RBM4: variants seen among roughly 807,000 people sequenced by gnomAD.
The protein encoded by RBM4 is RNA binding motif protein 4.
In RBM4, 7 loss-of-function variants were observed where a neutral mutation model predicts 29.5. That is an observed-to-expected ratio of 0.24 (90% CI 0.14 to 0.45). The LOEUF is 0.45. Ranked by LOEUF, RBM4 falls within the 20% of genes least tolerant of loss-of-function variation. RBM4 has a pLI of 1.00. For missense variants in RBM4, 387 were observed against 502.3 expected, an observed-to-expected ratio of 0.77 and a Z score of 2.19; for synonymous variants, 220 against 205.4, an observed-to-expected ratio of 1.07 and a Z score of -0.61.
intron 3 of RBM4, chr11:66,644,428 GTACTA>G (rs911712285): frequency 1.4e-5 from 5 of 349,130 alleles, no homozygotes; most frequent in African/African-American, 8.4e-5. Context: ...GGTCACCTAT[GTACTA>G]TACTATAATT....
intron 2 of RBM4, among the ~76,000 whole-genome samples, chr11:66,642,817 C>T (rs1382713809): frequency 6.6e-6 from 1 of 152,162 alleles, no homozygotes; most frequent in African/African-American, 2.4e-5. Context: ...ATGATCAGAA[C>T]CAGCAGTTTA....
At chr11:66,652,253 CG>C (rs1312689896) in intron 2 of RBM4, 1 of 151,954 alleles carries the variant, frequency 6.6e-6, no homozygotes, top group Non-Finnish European at 1.5e-5. Context: ...CCACCACGCC[CG>C]GCTAATTTTT....
downstream of RBM4, among the ~76,000 whole-genome samples, chr11:66,646,676 T>C (rs954277439): frequency 6.6e-6 from 1 of 152,186 alleles, no homozygotes; most frequent in East Asian, 1.9e-4. Context: ...ATGAAGACTT[T>C]TCCCACTGGT....
rs780693360 is a variant in RBM4, at chr11:66,643,904, A to T, written c.867A>T (p.Ala289=). 8 of 1,608,862 alleles carry T rather than the reference A, an allele frequency of 5.0e-6. No individual in the cohort carries two copies. Among genetic ancestry groups the T allele is most frequent in the Non-Finnish European group, 6.8e-6 (8 of 1,178,472 alleles). Reference sequence around the variant, plus strand: ...GAGCTGCTGCCACAGCTGCTGCTGCAGCAGCAGCCGCTGCTGCTGTTACTG... The same window carrying T: ...GAGCTGCTGCCACAGCTGCTGCTGCTGCAGCAGCCGCTGCTGCTGTTACTG... ...TSGAAATAAA[A]AAAAAAVTAA... The change falls in exon 3 of 4, where the codon GCA becomes GCT. Residue 289 remains alanine, a synonymous_variant. Coordinates refer to ENST00000310092, the MANE Select transcript of RBM4 (RefSeq NM_002896.4). This position sits in a 1 kb window ranked among gnomAD's most constrained non-coding sequence, Gnocchi z 6.1.
intron 2 of RBM4, among the ~76,000 whole-genome samples, chr11:66,658,718 C>G (rs1333298831): frequency 6.6e-6 from 1 of 152,036 alleles, no homozygotes; most frequent in Non-Finnish European, 1.5e-5. Flanking sequence ...GGGCAGATCA[C>G]TTGATGTCAG....
In RBM4 at chr11:66,644,374, A is replaced by G. The variant is rs554236532; in HGVS notation, c.*8+234A>G. 24 of 556,900 alleles carry G rather than the reference A, an allele frequency of 4.3e-5. No individual in the cohort carries two copies. The South Asian group carries it at 5.6e-4, about 13-fold the overall frequency. 34.5% of individuals were successfully genotyped at this position (556,900 alleles called of 1,614,324 possible). On this transcript the variant is annotated intron_variant, in intron 3 of 3. Coordinates refer to ENST00000310092, the MANE Select transcript of RBM4 (RefSeq NM_002896.4). Reference sequence around the variant, plus strand: ...TGGTAGTGGGAGTCAATTTGATTCTATTTGTGCCTAGAAAAATAAAGAATG... The same window carrying G: ...TGGTAGTGGGAGTCAATTTGATTCTGTTTGTGCCTAGAAAAATAAAGAATG...
At chr11:66,645,269 T>G (rs1244058239) in intron 3 of RBM4, among the ~76,000 whole-genome samples, 2 of 152,230 alleles carry the variant, frequency 1.3e-5, no homozygotes, top group Non-Finnish European at 2.9e-5. Flanking sequence ...GAGATTATTG[T>G]TGTACTTAAG....
rs1214575836 is a variant in RBM4, at chr11:66,660,019, G to T, written c.413-5837G>T. On this transcript the variant is annotated intron_variant, in intron 2 of 2. Coordinates refer to the RBM4 transcript ENST00000396053. ...CTTAGTTTGAACGTGCCTTTCCTCT[G>T]TCACACTTTATTATCTCAGGCCCTT... 3.3e-5 allele frequency among the ~76,000 whole-genome samples: 5 copies of T among 151,714 alleles called. No individual in the cohort carries two copies. In the East Asian group the frequency reaches 7.8e-4, roughly 24 times the overall value.
chr11:66,646,250 A>G lies in RBM4; in HGVS notation c.*232A>G. The G allele has an allele frequency of 7.1e-7, 1 of 1,411,538 alleles. No individual in the cohort carries two copies. Among genetic ancestry groups the G allele is most frequent in the Non-Finnish European group, 9.2e-7 (1 of 1,082,992 alleles). 87.4% of individuals were successfully genotyped at this position (1,411,538 alleles called of 1,614,324 possible). A position where few individuals can be genotyped will look rare whatever the true frequency, so the allele number is the denominator to read the frequency against. On this transcript the variant is annotated 3_prime_UTR_variant, in exon 4 of 4. Transcript: ENST00000310092. Reference sequence around the variant, plus strand: ...TCCTTCAATACTTCTGTAGCTTCCCATTCATGTTCTCTTCTCCCAGCAGGC... The same window carrying G: ...TCCTTCAATACTTCTGTAGCTTCCCGTTCATGTTCTCTTCTCCCAGCAGGC...
chr11:66,649,614 T>G, downstream of RBM4: 1 of 607,826 alleles, frequency 1.6e-6, no homozygotes, highest in Non-Finnish European at 2.9e-6. Context: ...AAGTTGTTTT[T>G]ATGCTTCCAA....
chr11:66,640,135 T>G lies in RBM4; in HGVS notation c.412+12T>G. 1.2e-6 allele frequency: 2 copies of G among 1,614,128 alleles called. No individual in the cohort carries two copies. The highest frequency in any genetic ancestry group is 1.7e-6 in the Non-Finnish European group (2 of 1,179,996). On this transcript the variant is annotated intron_variant, in intron 2 of 3. Coordinates refer to ENST00000310092, the MANE Select transcript of RBM4 (RefSeq NM_002896.4). ...CACAGAGTTTCAAGGTGAACCACCC[T>G]CTTTGGGTAGAGGGCTGAACACAAG... is the stretch of plus-strand genomic sequence containing the variant.
At chr11:66,666,307 A>T in exon 3 of RBM4, 3 of 1,064,582 alleles carry the variant, frequency 2.8e-6, no homozygotes, top group Non-Finnish European at 3.4e-6. Context: ...CAAAGGGCCA[A>T]ATCTTGGTCT....
intron 1 of RBM4, chr11:66,639,117 A>G (rs1938320376): frequency 6.6e-6 from 1 of 152,204 alleles, no homozygotes. Context: ...GCGGCCGCGC[A>G]TTTCAGTGTT....
intron 2 of RBM4, among the ~76,000 whole-genome samples, chr11:66,658,813 T>G (rs1939013543): frequency 6.6e-6 from 1 of 151,804 alleles, no homozygotes; most frequent in Non-Finnish European, 1.5e-5. Context: ...GGCACGTGCC[T>G]GTAGTCCCAG....
chr11:66,643,463 C>T lies in RBM4; in HGVS notation c.426C>T (p.His142=), dbSNP rs757709962. The T allele has an allele frequency of 3.7e-6, 6 of 1,608,724 alleles. No individual in the cohort carries two copies. Among genetic ancestry groups the T allele is most frequent in the South Asian group, 1.1e-5 (1 of 90,846 alleles). The change falls in exon 3 of 4, where the codon CAC becomes CAT. Residue 142 remains histidine, a synonymous_variant. Transcript: ENST00000310092. This position sits in a 1 kb window ranked among gnomAD's most constrained non-coding sequence, Gnocchi z 6.1. ...DNTEFQGKRM[H]VQLSTSRLRT... is the part of the protein sequence containing the mutation. ...TGTTTCTTCAAGGCAAACGAATGCA[C>T]GTGCAGTTGTCCACCAGCCGGCTTA...
At chr11:66,653,699 A>T (rs1224236280) in intron 2 of RBM4, among the ~76,000 whole-genome samples, 1 of 152,126 alleles carries the variant, frequency 6.6e-6, no homozygotes, top group Non-Finnish European at 1.5e-5. Flanking sequence ...CAGTATACAT[A>T]TAACACACAA....
At chr11:66,639,104 TC>T (rs1565078830) in intron 1 of RBM4, 1 of 152,534 alleles carries the variant, frequency 6.6e-6, no homozygotes, top group Non-Finnish European at 1.5e-5. Context: ...GAAGCTCTTT[TC>T]CGCGGCCGCG....
downstream of RBM4, among the ~76,000 whole-genome samples, chr11:66,648,839 T>G (rs753926855): frequency 1.3e-5 from 2 of 151,534 alleles, no homozygotes; most frequent in Non-Finnish European, 2.9e-5. Context: ...TTTTAATTTC[T>G]TGATTCTATT....
In RBM4 at chr11:66,643,089, G is replaced by A. The variant is rs964837385; in HGVS notation, c.413-361G>A. On this transcript the variant is annotated intron_variant, in intron 2 of 3. Coordinates refer to ENST00000310092, the MANE Select transcript of RBM4 (RefSeq NM_002896.4). The surrounding 1 kb of genome is among the most constrained non-coding windows in gnomAD (Gnocchi z 6.1). ...ATCCATCTTGCTAGTAAGGATTGGA[G>A]GTGTCAGAAAAGACTTGGGCACTGT... is the stretch of plus-strand genomic sequence containing the variant. Among the ~76,000 whole-genome samples the A allele has an allele frequency of 1.3e-5, 2 of 152,142 alleles. No individual in the cohort carries two copies. The highest frequency in any genetic ancestry group is 4.8e-5 in the African/African-American group (2 of 41,422).
Sources: gnomAD v4.1 joint callset for allele counts (sites outside exome capture counted in the v4.1 genomes callset) on GRCh38, gnomAD v4.1.1 for gene constraint, Gnocchi (gnomAD v3.1) non-coding constraint, MANE v1.5 for transcripts, NCBI Gene and HGNC (gene_info 2026-07-23, HGNC 2026-07-21) for gene names.